Variants in DCX observed in about 807,000 individuals in gnomAD.
DCX encodes the protein neuronal migration protein doublecortin.
Under a neutral mutation model 20.9 loss-of-function variants are expected in DCX, and 4 were observed. The observed-to-expected ratio is 0.19, with a 90% CI of 0.09 to 0.44. The LOEUF is 0.44. Ranked by LOEUF, DCX falls within the 20% of genes least tolerant of loss-of-function variation. The pLI, the probability that DCX is intolerant of heterozygous loss-of-function variation, is 0.99. For synonymous variants in DCX, 103 were observed against 111.4 expected (o/e 0.92, Z 0.47); for missense variants, 133 against 296.9 (o/e 0.45, Z 4.06).
In DCX at chrX:111,295,690, A is replaced by G. The variant is rs775845615; in HGVS notation, c.*5997T>C. 8.9e-6 allele frequency: 1 copy of G among 112,150 alleles called. No homozygotes were observed. The highest frequency in any genetic ancestry group is 1.9e-5 in the Non-Finnish European group (1 of 53,193). The allele number at this position is 112,150 out of a possible 1,213,427, so 9.2% of individuals were successfully genotyped here. A position where few individuals can be genotyped will look rare whatever the true frequency, so the allele number is the denominator to read the frequency against. On this transcript the variant is annotated 3_prime_UTR_variant, in exon 7 of 7. Coordinates refer to ENST00000636035, the MANE Select transcript of DCX (RefSeq NM_001195553.2). ...TTAGCTGATATAAATCCATGGGTGG[A>G]TTTTTTCTCTTCAGCTGATTATGTC...
Position 111,374,903 on chromosome X carries a change from A to G in DCX, c.705+26087T>C, listed in dbSNP as rs145486796. 7.0e-3 allele frequency among the ~76,000 whole-genome samples: 747 copies of G among 107,059 alleles called. 2 individuals are homozygous for G. Among genetic ancestry groups the G allele is most frequent in the African/African-American group, 0.023 (681 of 29,296 alleles). 93.0% of individuals were successfully genotyped at this position (107,059 alleles called of 115,157 possible). A position where few individuals can be genotyped will look rare whatever the true frequency, so the allele number is the denominator to read the frequency against. ...CTCGCCACCTGCTGTTAGGCTTCTC[A>G]GCTATTGGCCGGCATAATACTCAGC... On this transcript the variant is annotated intron_variant, in intron 3 of 6. Coordinates refer to ENST00000636035, the MANE Select transcript of DCX (RefSeq NM_001195553.2).
intron 3 of DCX, among the ~76,000 whole-genome samples, chrX:111,347,878 C>G (rs1433553038): frequency 8.9e-6 from 1 of 112,052 alleles, no homozygotes. Flanking sequence ...CCCCAGGCAA[C>G]CCAGCTATAT....
At chrX:111,353,503 T>A (rs1357142405) in intron 3 of DCX, among the ~76,000 whole-genome samples, 1 of 111,823 alleles carries the variant, frequency 8.9e-6, no homozygotes, top group Admixed American at 9.5e-5. Context: ...GTGTATCTTG[T>A]TTTGGCAAAA....
At chrX:111,339,628 A>G (rs775462777) in intron 3 of DCX, among the ~76,000 whole-genome samples, 5 of 111,991 alleles carry the variant, frequency 4.5e-5, no homozygotes, top group Middle Eastern at 4.7e-3. Flanking sequence ...ACTAAGACAC[A>G]TGCCATATAT....
At position 111,300,566 on chromosome X, in the gene DCX, G is replaced by C. The variant is rs1005004367; in HGVS notation, c.*1121C>G. On this transcript the variant is annotated 3_prime_UTR_variant, in exon 7 of 7. Coordinates refer to ENST00000636035, the MANE Select transcript of DCX (RefSeq NM_001195553.2). ...CTATTCATCTTGTTTTCTCCTGGAG[G>C]TTACTGTTTGGCAGTGACAGCATAA... 9.2e-6 allele frequency: 1 copy of C among 109,203 alleles called. No individual in the cohort carries two copies. The highest frequency in any genetic ancestry group is 3.4e-5 in the African/African-American group (1 of 29,835). The allele number at this position is 109,203 out of a possible 1,213,427, so 9.0% of individuals were successfully genotyped here.
chrX:111,394,733 C>A (rs922064933), intron 3 of DCX, among the ~76,000 whole-genome samples: 9 of 111,727 alleles, frequency 8.1e-5, no homozygotes, highest in African/African-American at 2.9e-4. Flanking sequence ...TGCTAACCAC[C>A]CCCATTAGTA....
At chrX:111,392,711 A>G (rs988610901) in intron 3 of DCX, among the ~76,000 whole-genome samples, 10 of 112,076 alleles carry the variant, frequency 8.9e-5, no homozygotes, top group Non-Finnish European at 1.1e-4. Context: ...GGTGATGGTC[A>G]CACATATCTG....
At chrX:111,389,332 C>T (rs1926758788) in intron 3 of DCX, among the ~76,000 whole-genome samples, 1 of 111,339 alleles carries the variant, frequency 9.0e-6, no homozygotes, top group African/African-American at 3.3e-5. Flanking sequence ...TATGCCTACC[C>T]ACCCATTTAA....
chrX:111,405,911 C>T (rs1425806344), intron 2 of DCX, among the ~76,000 whole-genome samples: 2 of 110,974 alleles, frequency 1.8e-5, no homozygotes, highest in African/African-American at 6.5e-5. Context: ...AGCAGAAAAC[C>T]GTAGACAAGA....
At position 111,363,833 on chromosome X, in the gene DCX, A is replaced by G. The variant is rs532021622; in HGVS notation, c.706-30680T>C. 3.4e-4 allele frequency among the ~76,000 whole-genome samples: 38 copies of G among 111,933 alleles called. No individual in the cohort carries two copies. The South Asian group carries it at 0.014, about 41-fold the overall frequency. On this transcript the variant is annotated intron_variant, in intron 3 of 6. Transcript: ENST00000636035. ...CTCATCTTTGGTGCTCTCATTGGCT[A>G]GACAACAGATGTTCTCAATGAAGAT...
At position 111,355,864 on chromosome X, in the gene DCX, C is replaced by T. The variant is rs770904928; in HGVS notation, c.706-22711G>A. On this transcript the variant is annotated intron_variant, in intron 3 of 6. Transcript: ENST00000636035. ...CATCCTGACTTCAGCCTCTGATTTG[C>T]CCAATTCAAATATACTTTTTCCAAG... Among the ~76,000 whole-genome samples the T allele has an allele frequency of 2.7e-5, 3 of 112,023 alleles. No homozygotes were observed. The South Asian group carries it at 1.1e-3, about 42-fold the overall frequency.
chrX:111,349,930 T>G (rs1396517205), intron 3 of DCX, among the ~76,000 whole-genome samples: 1 of 111,019 alleles, frequency 9.0e-6, no homozygotes, highest in Admixed American at 9.5e-5. Flanking sequence ...ATTTTAGGAA[T>G]AGTAATAGTG....
chrX:111,365,383 TATGGGGTAC>T (rs1238216621), intron 3 of DCX, among the ~76,000 whole-genome samples: 1 of 110,497 alleles, frequency 9.1e-6, no homozygotes, highest in Non-Finnish European at 1.9e-5. Flanking sequence ...TGTATATATT[TATGGGGTAC>T]ATGAGATGCT....
intron 3 of DCX, among the ~76,000 whole-genome samples, chrX:111,373,114 G>A (rs1925239920): frequency 9.0e-6 from 1 of 111,539 alleles, no homozygotes; most frequent in East Asian, 2.8e-4. Context: ...TGTTAGGGAA[G>A]TCAATGTTCC....
chrX:111,381,267 T>C (rs1925948942), intron 3 of DCX, among the ~76,000 whole-genome samples: 2 of 110,805 alleles, frequency 1.8e-5, no homozygotes, highest in South Asian at 7.7e-4. Flanking sequence ...ATTATTTGTG[T>C]GGCATTTGTT....
intron 5 of DCX, among the ~76,000 whole-genome samples, chrX:111,329,538 G>A (rs1161350479): frequency 9.0e-6 from 1 of 111,168 alleles, no homozygotes; most frequent in African/African-American, 3.3e-5. Flanking sequence ...GATATGAATG[G>A]CATGCTATGG....
intron 3 of DCX, among the ~76,000 whole-genome samples, chrX:111,341,567 T>A (rs1922241245): frequency 9.0e-6 from 1 of 110,669 alleles, no homozygotes; most frequent in Non-Finnish European, 1.9e-5. Flanking sequence ...CCAAGACACA[T>A]AATCATCAGA....
chrX:111,314,495 A>T (rs2095065075), intron 5 of DCX, among the ~76,000 whole-genome samples: 1 of 111,846 alleles, frequency 8.9e-6, no homozygotes, highest in African/African-American at 3.3e-5. Context: ...AATCTGAAAT[A>T]GGCAAATCAA....
chrX:111,388,792 A>T (rs754650306), intron 3 of DCX, among the ~76,000 whole-genome samples: 21 of 112,345 alleles, frequency 1.9e-4, no homozygotes, highest in African/African-American at 6.1e-4. Flanking sequence ...GAAGGCTTTG[A>T]GAAAATCAGA....
Sources: gnomAD v4.1 joint callset for allele counts (sites outside exome capture counted in the v4.1 genomes callset) on GRCh38, gnomAD v4.1.1 for gene constraint, MANE v1.5 for transcripts, NCBI Gene and HGNC (gene_info 2026-07-23, HGNC 2026-07-21) for gene names.